Variants in CFAP74 observed in about 807,000 individuals in gnomAD.
CFAP74 encodes cilia and flagella associated protein 74.
A neutral mutation model predicts 188.9 loss-of-function variants in CFAP74; 124 were observed. That is an observed-to-expected ratio of 0.66 (90% CI 0.57 to 0.76). The LOEUF (loss-of-function observed/expected upper bound fraction) is 0.76, where lower values mean the gene tolerates loss of function less well. Ranked by LOEUF, CFAP74 falls within the 30% of genes least tolerant of loss-of-function variation. The pLI, the probability that CFAP74 is intolerant of heterozygous loss-of-function variation, is 0.00. For synonymous variants in CFAP74, 956 were observed against 916.7 expected (o/e 1.04, Z -0.77); for missense variants, 2,198 against 2,165.2 (o/e 1.02, Z -0.30).
At chr1:1,999,510 CA>C (rs1658091351) in intron 1 of CFAP74, among the ~76,000 whole-genome samples, 1 of 152,156 alleles carries the variant, frequency 6.6e-6, no homozygotes, top group Non-Finnish European at 1.5e-5. Flanking sequence ...GAGTCGCCCA[CA>C]TTTCAATTAA....
At chr1:1,934,221 T>A (rs1214291346) in intron 25 of CFAP74, among the ~76,000 whole-genome samples, 1 of 152,118 alleles carries the variant, frequency 6.6e-6, no homozygotes, top group Non-Finnish European at 1.5e-5. Flanking sequence ...TATGTGTGAG[T>A]GTTAGGGTAT....
intron 14 of CFAP74, 148 bp from the exon 15 acceptor site, chr1:1,960,178 G>C (rs1654981488): frequency 9.0e-6 from 6 of 669,724 alleles, no homozygotes; most frequent in Non-Finnish European, 1.5e-5. Flanking sequence ...ACCCCGGGGA[G>C]TGCTGGATCT....
chr1:1,946,897 T>C (rs2102052028), intron 19 of CFAP74, 93 bp downstream of exon 19: 6 of 988,654 alleles, frequency 6.1e-6, no homozygotes, highest in Non-Finnish European at 9.2e-6. Flanking sequence ...CACCTAGCAG[T>C]GAGGGCCAGT....
intron 4 of CFAP74, among the ~76,000 whole-genome samples, chr1:1,987,333 C>T (rs1331830923): frequency 1.3e-5 from 2 of 152,140 alleles, no homozygotes; most frequent in East Asian, 1.9e-4. Flanking sequence ...CGCACTCCTG[C>T]GTGTGAAGGG....
In CFAP74 at chr1:1,973,170, C is replaced by T. The variant is rs553776214; in HGVS notation, c.675-123G>A. On this transcript the variant is annotated intron_variant, in intron 7 of 38. Transcript: ENST00000682832. This position sits in a 1 kb window ranked among gnomAD's most constrained non-coding sequence, Gnocchi z 6.2. Reference sequence around the variant, plus strand: ...TGGGCCCTTTCGCTCAGCTCTGTCCCGCACAGCCTCCCTTGGGGAGGAGCG... The same window carrying T: ...TGGGCCCTTTCGCTCAGCTCTGTCCTGCACAGCCTCCCTTGGGGAGGAGCG... The T allele has an allele frequency of 3.5e-4, 235 of 667,680 alleles. No homozygotes were observed. Among genetic ancestry groups the T allele is most frequent in the Middle Eastern group, 1.6e-3 (4 of 2,520 alleles). 41.4% of individuals were successfully genotyped at this position (667,680 alleles called of 1,614,324 possible). A position where few individuals can be genotyped will look rare whatever the true frequency, so the allele number is the denominator to read the frequency against.
At chr1:1,980,785 C>T (rs369301909) in intron 6 of CFAP74, among the ~76,000 whole-genome samples, 39 of 152,322 alleles carry the variant, frequency 2.6e-4, no homozygotes, top group African/African-American at 8.7e-4. Flanking sequence ...GGGTCTCTCT[C>T]GGGCTGGCCT....
rs1162315295 is a variant in CFAP74, at chr1:1,928,847, C to T, written c.3324G>A (p.Leu1108=). The T allele has an allele frequency of 2.6e-6, 4 of 1,535,648 alleles. No homozygotes were observed. Among genetic ancestry groups the T allele is most frequent in the South Asian group, 2.4e-5 (2 of 84,066 alleles). Residue 1108 remains leucine, a synonymous_variant, in exon 27 of 39, where the codon CTG becomes CTA. Transcript: ENST00000682832. ...CTTCCTGGCGGATCAGCTTCTCGGGCAGCACTGGCCGGAAGGCCACCTGGA... is the reference window on the plus strand; with the variant it reads ...CTTCCTGGCGGATCAGCTTCTCGGGTAGCACTGGCCGGAAGGCCACCTGGA... ...CLVQVAFRPV[L]PEKLIRQEAL...
At chr1:1,929,436 T>G (rs1383912239) in intron 26 of CFAP74, among the ~76,000 whole-genome samples, 127 of 71,028 alleles carry the variant, frequency 1.8e-3, no homozygotes, top group Middle Eastern at 8.3e-3. Flanking sequence ...GGGGAGAGGG[T>G]AGGGGAGGGA....
chr1:1,924,374 CCCCA>C lies in CFAP74; in HGVS notation c.4234+13_4234+16del. The C allele has an allele frequency of 3.1e-6, 1 of 320,672 alleles. No homozygotes were observed. The highest frequency in any genetic ancestry group is 2.3e-5 in the South Asian group (1 of 43,954). The allele number at this position is 320,672 out of a possible 1,614,324, so 19.9% of individuals were successfully genotyped here. A position where few individuals can be genotyped will look rare whatever the true frequency, so the allele number is the denominator to read the frequency against. On this transcript the variant is annotated intron_variant, in intron 34 of 38. Transcript: ENST00000682832. Reference sequence around the variant, plus strand: ...CCACCCCCGCAGCTCACCACCCACCCCCCACCCCCCGCTCACCGACCACCTCCGT... The same window carrying C: ...CCACCCCCGCAGCTCACCACCCACCCCCCCCCGCTCACCGACCACCTCCGT...
rs112164132 is a variant in CFAP74, at chr1:1,933,681, C to G, written c.3012-3345G>C. Among the ~76,000 whole-genome samples the G allele has an allele frequency of 2.4e-3, 370 of 152,302 alleles. 1 individual carries two copies. Among genetic ancestry groups the G allele is most frequent in the African/African-American group, 8.3e-3 (345 of 41,562 alleles). Reference sequence around the variant, plus strand: ...GGTTTGTGTTTTCTCTTTTTATCCTCATTGGTCTTGCTGGGGGTAATGAAT... The same window carrying G: ...GGTTTGTGTTTTCTCTTTTTATCCTGATTGGTCTTGCTGGGGGTAATGAAT... On this transcript the variant is annotated intron_variant, in intron 25 of 38. Coordinates refer to ENST00000682832, the MANE Select transcript of CFAP74 (RefSeq NM_001304360.2).
At position 2,000,884 on chromosome 1, in the gene CFAP74, G is replaced by A. The variant is rs190163122; in HGVS notation, c.-20+2817C>T. Among the ~76,000 whole-genome samples, 43 of 152,260 alleles carry A rather than the reference G, an allele frequency of 2.8e-4. No individual in the cohort carries two copies. In the East Asian group the frequency reaches 7.9e-3, roughly 28 times the overall value. ...CCCGATGGCCACGGTGCCACTGTGT[G>A]GATGAATCTCTCGCACAACCCCGAG... On this transcript the variant is annotated intron_variant, in intron 1 of 38. Transcript: ENST00000682832.
intron 6 of CFAP74, 104 bp from the exon 7 acceptor site, chr1:1,974,302 C>G (rs536038586): frequency 8.4e-7 from 1 of 1,192,294 alleles, no homozygotes; most frequent in African/African-American, 1.5e-5. Flanking sequence ...ATGTTGAACA[C>G]CCCAGATGGG....
chr1:1,946,264 C>A, intron 20 of CFAP74, 53 bp downstream of exon 20: 1 of 1,485,144 alleles, frequency 6.7e-7, no homozygotes. Flanking sequence ...CCACATGAGG[C>A]TGTGGAGGCA....
chr1:1,977,314 C>T (rs532320310), intron 6 of CFAP74, among the ~76,000 whole-genome samples: 1 of 152,174 alleles, frequency 6.6e-6, no homozygotes, highest in African/African-American at 2.4e-5. Context: ...GGAGGGAGGA[C>T]ATTTGAGGGT....
chr1:1,949,949 G>C lies in CFAP74; in HGVS notation c.2177-2895C>G, dbSNP rs542305839. Reference sequence around the variant, plus strand: ...TGGGACATTAGAGTTGTTGGTTTTTGCCAATTGCAAATAAGCTCTCTACAA... The same window carrying C: ...TGGGACATTAGAGTTGTTGGTTTTTCCCAATTGCAAATAAGCTCTCTACAA... On this transcript the variant is annotated intron_variant, in intron 18 of 38. Transcript: ENST00000682832. 3.9e-5 allele frequency among the ~76,000 whole-genome samples: 6 copies of C among 152,234 alleles called. No individual in the cohort carries two copies. The South Asian group carries it at 1.2e-3, about 32-fold the overall frequency.
chr1:1,949,641 C>T (rs535261453), intron 18 of CFAP74, among the ~76,000 whole-genome samples: 57 of 152,300 alleles, frequency 3.7e-4, no homozygotes, highest in African/African-American at 1.2e-3. Context: ...GTGCCCACGT[C>T]GCCCATGCCC....
In CFAP74 at chr1:1,988,986, G is replaced by A; in HGVS notation, c.68-13C>T. 7.6e-7 allele frequency: 1 copy of A among 1,308,808 alleles called. No individual in the cohort carries two copies. Among genetic ancestry groups the A allele is most frequent in the Non-Finnish European group, 1.1e-6 (1 of 933,118 alleles). The allele number at this position is 1,308,808 out of a possible 1,614,324, so 81.1% of individuals were successfully genotyped here. On this transcript the variant is annotated splice_polypyrimidine_tract_variant and intron_variant, in intron 2 of 38. Coordinates refer to ENST00000682832, the MANE Select transcript of CFAP74 (RefSeq NM_001304360.2). ...AATTCATCTCTTTCTAGAAATCAAG[G>A]CAAGAGTTTAAAAAAAAAAAAAAGC... is the stretch of plus-strand genomic sequence containing the variant.
chr1:1,981,245 A>G (rs1260807510), intron 6 of CFAP74, among the ~76,000 whole-genome samples: 1 of 152,226 alleles, frequency 6.6e-6, no homozygotes, highest in Admixed American at 6.5e-5. Context: ...CCAGCCGTCC[A>G]GTGCCCCTGT....
chr1:1,956,202 G>A (rs1469788264), intron 17 of CFAP74, among the ~76,000 whole-genome samples: 1 of 152,200 alleles, frequency 6.6e-6, no homozygotes, highest in Non-Finnish European at 1.5e-5. Flanking sequence ...CTGAGCCTTG[G>A]GACACCCATA....
Sources: allele counts gnomAD v4.1 joint callset (sites outside exome capture counted in the v4.1 genomes callset), GRCh38; gene constraint gnomAD v4.1.1; non-coding constraint Gnocchi (gnomAD v3.1); transcripts MANE v1.5; gene names NCBI Gene and HGNC (gene_info 2026-07-23, HGNC 2026-07-21).